Variants in CRBN observed in about 807,000 individuals in gnomAD.
The protein encoded by CRBN is protein cereblon.
Under a neutral mutation model 62.2 loss-of-function variants are expected in CRBN, and 53 were observed. That is an observed-to-expected ratio of 0.85 (90% CI 0.68 to 1.07). The LOEUF is 1.07. Among genes scored for constraint, CRBN ranks in the 50% least tolerant of loss-of-function variants. The pLI, the probability that CRBN is intolerant of heterozygous loss-of-function variation, is 0.00. For synonymous variants in CRBN, 208 were observed against 176.1 expected (o/e 1.18, Z -1.43); for missense variants, 616 against 531.1 (o/e 1.16, Z -1.57).
chr3:3,152,902 T>A, intron 9 of CRBN: 1 of 405,610 alleles, frequency 2.5e-6, no homozygotes, highest in Non-Finnish European at 4.6e-6. Context: ...AGTCTGAGAG[T>A]GTAAGTGCAA....
intron 5 of CRBN, among the ~76,000 whole-genome samples, chr3:3,165,790 C>A (rs909098793): frequency 1.7e-4 from 26 of 152,232 alleles, no homozygotes; most frequent in African/African-American, 6.0e-4. Context: ...GAAAAAAAAT[C>A]TCTAGTATGA....
intron 5 of CRBN, among the ~76,000 whole-genome samples, chr3:3,158,035 A>G (rs79037974): frequency 0.2 from 31,170 of 152,066 alleles, 4,127 homozygotes; most frequent in East Asian, 0.72. Flanking sequence ...TTCTGGCTTA[A>G]TATAATCCTT....
intron 8 of CRBN, 98 bp from the exon 9 acceptor site, chr3:3,153,586 T>C: frequency 1.3e-6 from 1 of 776,174 alleles, no homozygotes; most frequent in East Asian, 2.5e-5. Context: ...ATAAAGATAT[T>C]GCTCTCTCTG....
In CRBN at chr3:3,175,259, C is replaced by T. The variant is rs748716465; in HGVS notation, c.78G>A (p.Glu26=). 2 of 1,604,956 alleles carry T rather than the reference C, an allele frequency of 1.2e-6. No individual in the cohort carries two copies. Among genetic ancestry groups the T allele is most frequent in the African/African-American group, 1.3e-5 (1 of 74,712 alleles). The part of the protein sequence containing the change: ...NHLPLLPAES[E]EEDEMEVEDQ... Reference sequence around the variant, plus strand: ...CTTCAACTTCCATTTCATCTTCTTCCTCACTCTCTGCTATAAAAGTAGAAT... The same window carrying T: ...CTTCAACTTCCATTTCATCTTCTTCTTCACTCTCTGCTATAAAAGTAGAAT... Residue 26 remains glutamate (E), a synonymous_variant, in exon 2 of 11, where the codon GAG becomes GAA. Transcript: ENST00000231948.
In CRBN at chr3:3,154,288, A is replaced by G. The variant is rs76228104; in HGVS notation, c.836-213T>C. On this transcript the variant is annotated intron_variant, in intron 7 of 10. Coordinates refer to ENST00000231948, the MANE Select transcript of CRBN (RefSeq NM_016302.4). ...CTTTTCTTATACTTTTTTTGGTAAA[A>G]TCCTTTTATGTTAAACATGAACTCA... The G allele has an allele frequency of 1.9e-3, 1,059 of 556,796 alleles. 20 individuals are homozygous for G. The East Asian group carries it at 0.031, about 17-fold the overall frequency. The allele number at this position is 556,796 out of a possible 1,614,324, so 34.5% of individuals were successfully genotyped here.
intron 10 of CRBN, 22 bp from the exon 11 acceptor site, chr3:3,151,067 T>G (rs200041061): frequency 1.4e-5 from 22 of 1,612,542 alleles, no homozygotes; most frequent in Admixed American, 1.3e-4. Flanking sequence ...AGGAAAGATA[T>G]CAGCTAAGGA....
chr3:3,175,866 C>T (rs1009718205), intron 1 of CRBN, among the ~76,000 whole-genome samples: 3 of 152,156 alleles, frequency 2.0e-5, no homozygotes, highest in Non-Finnish European at 2.9e-5. Context: ...AGGAAGACCA[C>T]AGAAGTGAAG....
Position 3,150,144 on chromosome 3 carries a change from T to C in CRBN, c.*721A>G, listed in dbSNP as rs555130378. On this transcript the variant is annotated 3_prime_UTR_variant, in exon 11 of 11. Coordinates refer to ENST00000231948, the MANE Select transcript of CRBN (RefSeq NM_016302.4). ...CTTTTCCCTATAGTAGTAGTTTTGG[T>C]TCAAATTAATTTTTGAAAAATAGCT... The C allele has an allele frequency of 1.3e-5, 2 of 152,178 alleles. No homozygotes were observed. Among genetic ancestry groups the C allele is most frequent in the South Asian group, 4.1e-4 (2 of 4,836 alleles). 9.4% of individuals were successfully genotyped at this position (152,178 alleles called of 1,614,324 possible). A position where few individuals can be genotyped will look rare whatever the true frequency, so the allele number is the denominator to read the frequency against.
chr3:3,169,512 C>A lies in CRBN; in HGVS notation c.528-1719G>T, dbSNP rs145964345. ...CGCACAAATCTGGAAAAATTCTGCA[C>A]TCAAATTGCCTTGTGACTATCTTTA... On this transcript the variant is annotated intron_variant, in intron 4 of 10. Transcript: ENST00000231948. Among the ~76,000 whole-genome samples the A allele has an allele frequency of 1.2e-3, 188 of 152,230 alleles. 1 individual carries two copies. Among genetic ancestry groups the A allele is most frequent in the African/African-American group, 4.5e-3 (185 of 41,534 alleles).
intron 1 of CRBN, among the ~76,000 whole-genome samples, chr3:3,179,158 A>T (rs928435731): frequency 3.3e-5 from 5 of 152,138 alleles, no homozygotes; most frequent in Non-Finnish European, 7.3e-5. Flanking sequence ...GAAACTGAAA[A>T]CTGATGTGGG....
At chr3:3,179,505 TG>T in intron 1 of CRBN, 115 bp downstream of exon 1, 1 of 998,478 alleles carries the variant, frequency 1.0e-6, no homozygotes. Context: ...GCGGCCCTGC[TG>T]GGCTGGCTCG....
At chr3:3,176,651 G>A (rs1225067867) in intron 1 of CRBN, among the ~76,000 whole-genome samples, 2 of 152,136 alleles carry the variant, frequency 1.3e-5, no homozygotes, top group Non-Finnish European at 2.9e-5. Flanking sequence ...CAGGAGAATC[G>A]CTTGAACCCA....
At chr3:3,151,092 C>G in intron 10 of CRBN, 47 bp from the exon 11 acceptor site, 3 of 1,589,538 alleles carry the variant, frequency 1.9e-6, no homozygotes, top group South Asian at 1.1e-5. Context: ...TTTCTGTACT[C>G]CAAGCCTATC....
intron 10 of CRBN, 22 bp from the exon 11 acceptor site, chr3:3,151,067 T>A (rs200041061): frequency 1.2e-6 from 2 of 1,612,660 alleles, no homozygotes; most frequent in East Asian, 2.2e-5. Context: ...AGGAAAGATA[T>A]CAGCTAAGGA....
At chr3:3,159,258 C>A (rs1056293859) in intron 5 of CRBN, among the ~76,000 whole-genome samples, 2 of 152,044 alleles carry the variant, frequency 1.3e-5, no homozygotes. Context: ...AAAGAAAAAC[C>A]AACAAAATTC....
intron 5 of CRBN, among the ~76,000 whole-genome samples, chr3:3,166,430 G>GT (rs1207397315): frequency 6.6e-6 from 1 of 152,080 alleles, no homozygotes; most frequent in African/African-American, 2.4e-5. Context: ...AAATTGCTCA[G>GT]TCTTGGTTAT....
chr3:3,154,867 T>C (rs770883394), intron 6 of CRBN, 36 bp from the exon 7 acceptor site: 11 of 1,189,550 alleles, frequency 9.2e-6, no homozygotes, highest in Admixed American at 5.1e-5. Flanking sequence ...ATCAAGTTCA[T>C]GGGCTTATTA....
intron 5 of CRBN, among the ~76,000 whole-genome samples, chr3:3,166,253 G>A (rs1707327193): frequency 6.6e-6 from 1 of 152,180 alleles, no homozygotes; most frequent in Non-Finnish European, 1.5e-5. Flanking sequence ...TGAGTCTCAT[G>A]AGATCTGATG....
intron 6 of CRBN, chr3:3,155,247 A>C (rs1424408364): frequency 5.9e-6 from 1 of 168,340 alleles, no homozygotes; most frequent in East Asian, 1.6e-4. Flanking sequence ...TTTCACAAGC[A>C]TATGCAAAAC....
Sources: allele counts gnomAD v4.1 joint callset (sites outside exome capture counted in the v4.1 genomes callset), GRCh38; gene constraint gnomAD v4.1.1; transcripts MANE v1.5; gene names NCBI Gene and HGNC (gene_info 2026-07-23, HGNC 2026-07-21).